The following LRP1B variants were observed in gnomAD, a reference collection of about 807,000 sequenced individuals.
LRP1B encodes the protein low-density lipoprotein receptor-related protein 1B.
In LRP1B, 217 loss-of-function variants were observed where a neutral mutation model predicts 556.6. That is an observed-to-expected ratio of 0.39 (90% CI 0.35 to 0.44). LRP1B has a LOEUF of 0.44. Among genes scored for constraint, LRP1B ranks in the 20% least tolerant of loss-of-function variants. The probability of loss-of-function intolerance (pLI) is 1.00; values close to 1 mark genes in which losing one functional copy is unlikely to be tolerated. For synonymous variants in LRP1B, 2,047 were observed against 1,865.8 expected (o/e 1.10, Z -2.50); for missense variants, 5,053 against 5,620.8 (o/e 0.90, Z 3.23).
At chr2:141,265,562 C>T (rs1426503799) in intron 3 of LRP1B, among the ~76,000 whole-genome samples, 1 of 152,186 alleles carries the variant, frequency 6.6e-6, no homozygotes, top group East Asian at 1.9e-4. Context: ...TTTAGAAAAA[C>T]TCTTCATGTA....
intron 35 of LRP1B, among the ~76,000 whole-genome samples, chr2:140,754,940 G>T (rs1688695437): frequency 1.3e-5 from 2 of 151,600 alleles, no homozygotes; most frequent in Admixed American, 1.3e-4. Flanking sequence ...AAAGGCAAAT[G>T]GAGAAAAAAA....
intron 51 of LRP1B, among the ~76,000 whole-genome samples, chr2:140,511,927 A>G (rs376118060): frequency 6.6e-6 from 1 of 152,182 alleles, no homozygotes; most frequent in Non-Finnish European, 1.5e-5. Context: ...TAAGCTTGCC[A>G]TGAAACCATA....
At chr2:141,128,259 A>G (rs1285838885) in intron 7 of LRP1B, among the ~76,000 whole-genome samples, 1 of 152,192 alleles carries the variant, frequency 6.6e-6, no homozygotes, top group Non-Finnish European at 1.5e-5. Context: ...GGAAGTTTCA[A>G]TCCTTCACTA....
chr2:141,245,457 G>T (rs1443850767), intron 5 of LRP1B, among the ~76,000 whole-genome samples: 2 of 152,120 alleles, frequency 1.3e-5, no homozygotes, highest in African/African-American at 4.8e-5. Flanking sequence ...TTTCAGAGAA[G>T]AAATTTCATG....
chr2:141,588,906 A>C (rs1687231575), intron 2 of LRP1B, among the ~76,000 whole-genome samples: 1 of 152,214 alleles, frequency 6.6e-6, no homozygotes, highest in African/African-American at 2.4e-5. Context: ...ACAAAAAATA[A>C]GACAACAGGT....
intron 2 of LRP1B, among the ~76,000 whole-genome samples, chr2:141,677,623 G>A (rs558854882): frequency 2.0e-4 from 31 of 152,058 alleles, no homozygotes; most frequent in Non-Finnish European, 4.3e-4. Context: ...CCTAGTAGCT[G>A]GGATTACAGG....
In LRP1B at chr2:140,295,862, T is replaced by A. The variant is rs908517319; in HGVS notation, c.12967+1946A>T. ...ACTGACCTTTTGAGAATAGATACTT[T>A]GGGGCAAAGAGAGGGAGCATGGAGA... On this transcript the variant is annotated intron_variant, in intron 84 of 90. Coordinates refer to ENST00000389484, the MANE Select transcript of LRP1B (RefSeq NM_018557.3). Among the ~76,000 whole-genome samples, 3 of 152,210 alleles carry A rather than the reference T, an allele frequency of 2.0e-5. No individual in the cohort carries two copies. The East Asian group carries it at 5.8e-4, about 29-fold the overall frequency.
At chr2:142,047,972 A>C (rs1444358525) in intron 1 of LRP1B, among the ~76,000 whole-genome samples, 2 of 152,074 alleles carry the variant, frequency 1.3e-5, no homozygotes, top group African/African-American at 4.8e-5. Context: ...TCTACTCTGA[A>C]TAATCTAAGG....
chr2:140,692,136 G>T (rs979716204), intron 41 of LRP1B, among the ~76,000 whole-genome samples: 1 of 152,030 alleles, frequency 6.6e-6, no homozygotes, highest in Non-Finnish European at 1.5e-5. Context: ...AACGCCTCAC[G>T]TAATGATTAT....
intron 3 of LRP1B, among the ~76,000 whole-genome samples, chr2:141,411,025 T>C (rs1313385187): frequency 2.0e-5 from 3 of 152,084 alleles, no homozygotes; most frequent in Non-Finnish European, 4.4e-5. Context: ...TTTGCTGAAA[T>C]TTTTACTTTG....
At chr2:140,997,789 T>G (rs1381026637) in intron 15 of LRP1B, among the ~76,000 whole-genome samples, 1 of 151,962 alleles carries the variant, frequency 6.6e-6, no homozygotes, top group African/African-American at 2.4e-5. Context: ...AAACATGAAG[T>G]TGTGGTTTGC....
intron 7 of LRP1B, among the ~76,000 whole-genome samples, chr2:141,155,377 A>C (rs1473077891): frequency 6.6e-6 from 1 of 151,820 alleles, no homozygotes; most frequent in Non-Finnish European, 1.5e-5. Context: ...TGATCATCAA[A>C]ATAGCTTTAT....
rs1393813046 is a variant in LRP1B, at chr2:141,115,460, T to TTTTG, written c.1014-53188_1014-53187insCAAA. ...AAAATGAATAGGTTTTTGTTTTTGT[T>TTTTG]TTTTTTTTTTTTTTGAGATGGATTC... is the stretch of plus-strand genomic sequence containing the variant. On this transcript the variant is annotated intron_variant, in intron 7 of 90. Coordinates refer to ENST00000389484, the MANE Select transcript of LRP1B (RefSeq NM_018557.3). Among the ~76,000 whole-genome samples the TTTTG allele has an allele frequency of 7.0e-4, 101 of 143,782 alleles. 1 individual carries two copies. The highest frequency in any genetic ancestry group is 2.0e-3 in the African/African-American group (77 of 37,920). 94.3% of individuals were successfully genotyped at this position (143,782 alleles called of 152,430 possible). A position where few individuals can be genotyped will look rare whatever the true frequency, so the allele number is the denominator to read the frequency against.
At chr2:140,954,846 G>A (rs1420797502) in intron 18 of LRP1B, among the ~76,000 whole-genome samples, 1 of 151,808 alleles carries the variant, frequency 6.6e-6, no homozygotes, top group Non-Finnish European at 1.5e-5. Context: ...TAACCTTATA[G>A]TCCAACTTAG....
At chr2:140,660,426 T>C (rs935838617) in intron 41 of LRP1B, among the ~76,000 whole-genome samples, 1 of 152,182 alleles carries the variant, frequency 6.6e-6, no homozygotes, top group Non-Finnish European at 1.5e-5. Flanking sequence ...ACTTGCTTTA[T>C]TTTCTATGTA....
chr2:141,980,158 T>C (rs1044750673), intron 1 of LRP1B, among the ~76,000 whole-genome samples: 2 of 152,102 alleles, frequency 1.3e-5, no homozygotes, highest in Admixed American at 1.3e-4. Context: ...CTTGAGTTAT[T>C]AGCAATGCCC....
At chr2:141,879,664 T>C (rs1213987728) in intron 1 of LRP1B, among the ~76,000 whole-genome samples, 2 of 151,510 alleles carry the variant, frequency 1.3e-5, no homozygotes, top group Admixed American at 6.6e-5. Context: ...TGACTTCAGA[T>C]ACAGTAATTT....
At chr2:140,317,230 G>A (rs1684564595) in intron 82 of LRP1B, among the ~76,000 whole-genome samples, 1 of 152,112 alleles carries the variant, frequency 6.6e-6, no homozygotes, top group Non-Finnish European at 1.5e-5. Context: ...GTGGTGTCTT[G>A]GAAGGGTAAT....
At chr2:140,797,234 T>C (rs913461072) in intron 32 of LRP1B, among the ~76,000 whole-genome samples, 1 of 152,000 alleles carries the variant, frequency 6.6e-6, no homozygotes, top group Admixed American at 6.6e-5. Flanking sequence ...GAGATAATTC[T>C]TCCCCCCAAA....
Sources: gnomAD v4.1 joint callset for allele counts (sites outside exome capture counted in the v4.1 genomes callset) on GRCh38, gnomAD v4.1.1 for gene constraint, MANE v1.5 for transcripts, NCBI Gene and HGNC (gene_info 2026-07-23, HGNC 2026-07-21) for gene names.